CRACD: variants seen among roughly 807,000 people sequenced by gnomAD.
CRACD encodes the protein capping protein inhibiting regulator of actin dynamics, also known as capping protein-inhibiting regulator of actin dynamics.
In CRACD, 56 loss-of-function variants were observed where a neutral mutation model predicts 106.8. The observed-to-expected ratio is 0.52, with a 90% CI of 0.42 to 0.66. The LOEUF (loss-of-function observed/expected upper bound fraction) is 0.66, where lower values mean the gene tolerates loss of function less well. Ranked by LOEUF, CRACD falls within the 30% of genes least tolerant of loss-of-function variation. The probability of loss-of-function intolerance (pLI) is 0.00; values close to 1 mark genes in which losing one functional copy is unlikely to be tolerated. For synonymous variants in CRACD, 754 were observed against 670.8 expected (o/e 1.12, Z -1.92); for missense variants, 1,730 against 1,623.2 (o/e 1.07, Z -1.13).
At chr4:56,185,834 C>T (rs1337773852) in intron 2 of CRACD, among the ~76,000 whole-genome samples, 8 of 152,262 alleles carry the variant, frequency 5.3e-5, no homozygotes, top group African/African-American at 1.7e-4. Flanking sequence ...TCCAGATGAA[C>T]CTGTAATTGA....
chr4:56,216,972 G>A (rs1166709075), intron 2 of CRACD, among the ~76,000 whole-genome samples: 3 of 132,164 alleles, frequency 2.3e-5, no homozygotes, highest in African/African-American at 5.7e-5. Flanking sequence ...GGGCGACAGA[G>A]CGAGACTCCG....
At chr4:56,135,936 A>G (rs1338580914) in intron 1 of CRACD, among the ~76,000 whole-genome samples, 1 of 152,100 alleles carries the variant, frequency 6.6e-6, no homozygotes, top group East Asian at 1.9e-4. Flanking sequence ...TTCTACTCAC[A>G]CCCTAGAAAA....
Position 56,315,849 on chromosome 4 carries a change from G to A in CRACD, c.2347G>A (p.Ala783Thr). Residue 783 changes from alanine to threonine, a missense_variant, in exon 8 of 11, where the codon GCA becomes ACA. Ala to Thr is a moderately conservative substitution (Grantham distance 58). Transcript: ENST00000682029. The surrounding 1 kb of genome is among the most constrained non-coding windows in gnomAD (Gnocchi z 4.1). ...PEKSEMHREP[A>T]DTTEGCKFAK... ...GAAGTCGGAGATGCACCGGGAGCCCGCAGACACCACCGAGGGATGCAAATT... is the reference window on the plus strand; with the variant it reads ...GAAGTCGGAGATGCACCGGGAGCCCACAGACACCACCGAGGGATGCAAATT... The A allele has an allele frequency of 1.2e-6, 2 of 1,614,158 alleles. No homozygotes were observed. The highest frequency in any genetic ancestry group is 2.2e-5 in the South Asian group (2 of 91,078).
intron 1 of CRACD, among the ~76,000 whole-genome samples, chr4:56,101,863 C>T (rs1164355347): frequency 6.6e-6 from 1 of 151,770 alleles, no homozygotes; most frequent in African/African-American, 2.4e-5. Context: ...TCCTTCTCAA[C>T]CTGTTTTTAT....
intron 2 of CRACD, among the ~76,000 whole-genome samples, chr4:56,197,396 T>G (rs942334500): frequency 6.6e-6 from 1 of 152,156 alleles, no homozygotes; most frequent in Non-Finnish European, 1.5e-5. Flanking sequence ...GAAAATAGCT[T>G]ATTTAGATGT....
chr4:56,141,468 A>C (rs1213743189), intron 1 of CRACD, among the ~76,000 whole-genome samples: 1 of 151,982 alleles, frequency 6.6e-6, no homozygotes, highest in Non-Finnish European at 1.5e-5. Context: ...GTGGTGGCTC[A>C]CACTTGTAAG....
At chr4:56,226,377 G>A (rs1421744344) in intron 2 of CRACD, among the ~76,000 whole-genome samples, 3 of 152,168 alleles carry the variant, frequency 2.0e-5, no homozygotes, top group Non-Finnish European at 4.4e-5. Flanking sequence ...ATCAGCTGCT[G>A]AGAATGAGAG....
intron 8 of CRACD, 75 bp downstream of exon 8, chr4:56,316,764 C>G (rs1021237125): frequency 1.4e-6 from 2 of 1,466,014 alleles, no homozygotes; most frequent in African/African-American, 2.8e-5. Context: ...GATCCACACG[C>G]AGGTTCATGA....
chr4:56,060,903 A>G (rs575631211), intron 1 of CRACD, among the ~76,000 whole-genome samples: 219 of 152,304 alleles, frequency 1.4e-3, no homozygotes, highest in Non-Finnish European at 2.0e-3. Flanking sequence ...TTCACCAGAC[A>G]TCAAATCTGC....
intron 10 of CRACD, among the ~76,000 whole-genome samples, chr4:56,325,965 G>GC (rs1337411601): frequency 6.6e-6 from 1 of 152,232 alleles, no homozygotes; most frequent in Non-Finnish European, 1.5e-5. Flanking sequence ...ATGCTGGAGT[G>GC]CGATGGCGCC....
rs192570640 is a variant in CRACD at position 56,307,520 on chromosome 4, T to C, written c.121-15T>C. On this transcript the variant is annotated splice_polypyrimidine_tract_variant and intron_variant, in intron 4 of 10. Coordinates refer to ENST00000682029, the MANE Select transcript of CRACD (RefSeq NM_001393381.1). ...CTTCACTGCTTCAGAATGTCTTTCT[T>C]CTGTTTCTCTCCAGCAACAGTTGGG... 95 of 1,613,746 alleles carry C rather than the reference T, an allele frequency of 5.9e-5. No homozygotes were observed. Among genetic ancestry groups the C allele is most frequent in the Non-Finnish European group, 7.6e-5 (90 of 1,179,792 alleles).
At chr4:56,228,693 G>A (rs56130092) in intron 2 of CRACD, among the ~76,000 whole-genome samples, 9,048 of 151,998 alleles carry the variant, frequency 0.06, 358 homozygotes, top group Non-Finnish European at 0.09. Context: ...CGGAGAAATC[G>A]GAGAGAAGGT....
intron 2 of CRACD, among the ~76,000 whole-genome samples, chr4:56,221,078 C>T (rs1739005585): frequency 6.6e-6 from 1 of 151,984 alleles, no homozygotes; most frequent in Non-Finnish European, 1.5e-5. Context: ...TAGGTTAGGG[C>T]TAGATTATGA....
intron 3 of CRACD, among the ~76,000 whole-genome samples, chr4:56,276,015 C>T (rs902838365): frequency 4.6e-5 from 7 of 152,268 alleles, no homozygotes; most frequent in Non-Finnish European, 8.8e-5. Flanking sequence ...GAGAATAGCT[C>T]CTTATTGATC....
intron 1 of CRACD, among the ~76,000 whole-genome samples, chr4:56,124,394 A>G (rs1464464196): frequency 1.3e-5 from 2 of 152,232 alleles, no homozygotes; most frequent in African/African-American, 2.4e-5. Context: ...AGTATTTTAA[A>G]GCAAATTCTA....
At chr4:56,088,147 TTTC>T (rs1733294545) in intron 1 of CRACD, among the ~76,000 whole-genome samples, 1 of 151,774 alleles carries the variant, frequency 6.6e-6, no homozygotes, top group East Asian at 1.9e-4. Context: ...TTTTTTTTTT[TTTC>T]TTTTCAGCTT....
rs184379581 is a variant in CRACD, at chr4:56,307,546, C to T, written c.132C>T (p.Gly44=). The part of the protein sequence containing the change: ...GKVKTLQQQL[G]KNIKFGQRSP... ...CTGTTTCTCTCCAGCAACAGTTGGG[C>T]AAGAATATCAAGTTTGGGCAGCGGT... Residue 44 remains glycine (G), a synonymous_variant, in exon 5 of 11, where the codon GGC becomes GGT. Transcript: ENST00000682029. 194 of 1,614,046 alleles carry T rather than the reference C, an allele frequency of 1.2e-4. No individual in the cohort carries two copies. Among genetic ancestry groups the T allele is most frequent in the Admixed American group, 6.2e-4 (37 of 60,016 alleles).
Position 56,302,901 on chromosome 4 carries a change from G to A in CRACD, c.120+4552G>A, listed in dbSNP as rs77771954. On this transcript the variant is annotated intron_variant, in intron 4 of 10. Coordinates refer to ENST00000682029, the MANE Select transcript of CRACD (RefSeq NM_001393381.1). ...CCAGCATTCCACATTACAACAAAAT[G>A]GTCCAATTTGAATGAATAAAATATA... 3.3e-3 allele frequency among the ~76,000 whole-genome samples: 498 copies of A among 152,192 alleles called. 1 individual carries two copies. Among genetic ancestry groups the A allele is most frequent in the African/African-American group, 0.011 (471 of 41,536 alleles).
Position 56,315,595 on chromosome 4 carries a change from C to T in CRACD, c.2093C>T (p.Thr698Ile), listed in dbSNP as rs757185097. Residue 698 changes from threonine to isoleucine, a missense_variant, in exon 8 of 11, where the codon ACT becomes ATT. Thr to Ile is a moderately conservative substitution (Grantham distance 89). Transcript: ENST00000682029. The surrounding 1 kb of genome is among the most constrained non-coding windows in gnomAD (Gnocchi z 4.1). ...CAGTTGAGGCCCGGTGATGAGTCCACTCCCAGGGGCCGGTGTGATTCCCGC... is the reference window on the plus strand; with the variant it reads ...CAGTTGAGGCCCGGTGATGAGTCCATTCCCAGGGGCCGGTGTGATTCCCGC... ...RDQLRPGDES[T>I]PRGRCDSRGN... 5 of 1,614,150 alleles carry T rather than the reference C, an allele frequency of 3.1e-6. No homozygotes were observed. The highest frequency in any genetic ancestry group is 1.3e-5 in the African/African-American group (1 of 75,046).
Sources: gnomAD v4.1 joint callset for allele counts (sites outside exome capture counted in the v4.1 genomes callset) on GRCh38, gnomAD v4.1.1 for gene constraint, Gnocchi (gnomAD v3.1) non-coding constraint, MANE v1.5 for transcripts, NCBI Gene and HGNC (gene_info 2026-07-23, HGNC 2026-07-21) for gene names.